Variants in ROBO3 observed in about 807,000 individuals in gnomAD.
The protein encoded by ROBO3 is roundabout homolog 3.
ROBO3 carries 97 observed loss-of-function variants against 160.5 expected under a neutral mutation model. The ratio of observed to expected loss-of-function variants is 0.60; its 90% CI spans 0.51 to 0.72. The LOEUF (loss-of-function observed/expected upper bound fraction) is 0.72, where lower values mean the gene tolerates loss of function less well. ROBO3 is among the 30% of genes least tolerant of loss of function. ROBO3 has a pLI of 0.00. For synonymous variants in ROBO3, 780 were observed against 746.2 expected (o/e 1.05, Z -0.74); for missense variants, 1,858 against 1,846.5 (o/e 1.01, Z -0.11).
Position 124,869,828 on chromosome 11 carries a change from T to C in ROBO3, c.646-120T>C. The C allele has an allele frequency of 7.0e-7, 1 of 1,421,192 alleles. No individual in the cohort carries two copies. Among genetic ancestry groups the C allele is most frequent in the South Asian group, 1.3e-5 (1 of 77,888 alleles). 88.0% of individuals were successfully genotyped at this position (1,421,192 alleles called of 1,614,324 possible). ...TGTGGGTCAACTTCCTTGGTCTCCT[T>C]TATCAGCTTGCTGTGAGGATCAAAT... On this transcript the variant is annotated intron_variant, in intron 3 of 27. Transcript: ENST00000397801. The surrounding 1 kb of genome is among the most constrained non-coding windows in gnomAD (Gnocchi z 4.2).
rs121918274 is a variant in ROBO3 at position 124,870,650 on chromosome 11, G to C, written c.955G>C (p.Glu319Gln). The change falls in exon 6 of 28, where the codon GAA (glutamate) becomes CAA (glutamine). Residue 319 changes from glutamate to glutamine, a missense_variant. Coordinates refer to ENST00000397801, the MANE Select transcript of ROBO3 (RefSeq NM_022370.4). ...HSLWIGHVSA[E>Q]DEGTYTCVAE... Reference sequence around the variant, plus strand: ...CCTTTGGATTGGGCATGTGAGTGCCGAAGATGAGGGAACGTACACCTGTGT... The same window carrying C: ...CCTTTGGATTGGGCATGTGAGTGCCCAAGATGAGGGAACGTACACCTGTGT... 6.2e-7 allele frequency: 1 copy of C among 1,613,224 alleles called. No individual in the cohort carries two copies. The highest frequency in any genetic ancestry group is 8.5e-7 in the Non-Finnish European group (1 of 1,179,704).
Position 124,875,549 on chromosome 11 carries a change from T to G in ROBO3, c.2300-15T>G, listed in dbSNP as rs1294530301. 6.2e-7 allele frequency: 1 copy of G among 1,610,830 alleles called. No individual in the cohort carries two copies. The highest frequency in any genetic ancestry group is 8.5e-7 in the Non-Finnish European group (1 of 1,178,852). On this transcript the variant is annotated splice_polypyrimidine_tract_variant and intron_variant, in intron 14 of 27. Transcript: ENST00000397801. Reference sequence around the variant, plus strand: ...ACTATTTGTGTCCTTCTCACCATGCTCCACCCTGGCCCAGCCCCCAGTGGC... The same window carrying G: ...ACTATTTGTGTCCTTCTCACCATGCGCCACCCTGGCCCAGCCCCCAGTGGC...
rs998893479 is a variant in ROBO3 at position 124,880,528 on chromosome 11, G to C, written c.4069G>C (p.Gly1357Arg). 1 of 1,570,050 alleles carries C rather than the reference G, an allele frequency of 6.4e-7. No homozygotes were observed. Among genetic ancestry groups the C allele is most frequent in the South Asian group, 1.2e-5 (1 of 85,932 alleles). ...NSSRGSSSSR[G>R]SRGPGRSRSR... ...TTCCAGGGGCTCCAGCAGCTCTAGGGGCTCCCGGGGCCCTGGCCGGAGCCG... is the reference window on the plus strand; with the variant it reads ...TTCCAGGGGCTCCAGCAGCTCTAGGCGCTCCCGGGGCCCTGGCCGGAGCCG... The change falls in exon 27 of 28, where the codon GGC becomes CGC. Residue 1357 changes from glycine (G) to arginine (R), a missense_variant. By Grantham distance (125) the Gly-to-Arg change is moderately radical. Coordinates refer to ENST00000397801, the MANE Select transcript of ROBO3 (RefSeq NM_022370.4).
At position 124,876,459 on chromosome 11, in the gene ROBO3, G is replaced by A. The variant is rs1407832224; in HGVS notation, c.2778G>A (p.Thr926=). The stretch of plus-strand genomic sequence containing the variant: ...AGCGCAAAGAGCTCAGCCACTACAC[G>A]GGTGAGCTCCCGGCCTCGGAGCGGA... ...RKQRKELSHY[T]ASFAYTPAVS... Residue 926 remains threonine, a splice_region_variant and synonymous_variant, in exon 17 of 28, where the codon ACG becomes ACA. Transcript: ENST00000397801. The surrounding 1 kb of genome is among the most constrained non-coding windows in gnomAD (Gnocchi z 5.3). 3 of 1,403,610 alleles carry A rather than the reference G, an allele frequency of 2.1e-6. No homozygotes were observed. Among genetic ancestry groups the A allele is most frequent in the Non-Finnish European group, 2.8e-6 (3 of 1,083,176 alleles). The allele number at this position is 1,403,610 out of a possible 1,614,324, so 86.9% of individuals were successfully genotyped here.
Position 124,869,534 on chromosome 11 carries a change from G to A in ROBO3, c.572G>A (p.Arg191His). The A allele has an allele frequency of 2.0e-6, 3 of 1,491,084 alleles. No homozygotes were observed. Among genetic ancestry groups the A allele is most frequent in the Non-Finnish European group, 1.8e-6 (2 of 1,105,988 alleles). The allele number at this position is 1,491,084 out of a possible 1,614,324, so 92.4% of individuals were successfully genotyped here. A position where few individuals can be genotyped will look rare whatever the true frequency, so the allele number is the denominator to read the frequency against. ...GCAGTACTGGAATGCGTGCCCCCCC[G>A]CGGCCACCCGGAGCCTTCCGTGTCC... ...EPAVLECVPPRGHPEPSVSWR... is the reference protein window; with the variant it reads ...EPAVLECVPPHGHPEPSVSWR... Residue 191 changes from arginine to histidine, a missense_variant, in exon 3 of 28, where the codon CGC becomes CAC. Physicochemically the swap from Arg to His is conservative, Grantham distance 29. Coordinates refer to ENST00000397801, the MANE Select transcript of ROBO3 (RefSeq NM_022370.4). This position sits in a 1 kb window ranked among gnomAD's most constrained non-coding sequence, Gnocchi z 4.2.
Position 124,879,788 on chromosome 11 carries a change from C to T in ROBO3, c.3798C>T (p.Asp1266=). 2.5e-6 allele frequency: 4 copies of T among 1,613,708 alleles called. No individual in the cohort carries two copies. Among genetic ancestry groups the T allele is most frequent in the Non-Finnish European group, 2.5e-6 (3 of 1,179,798 alleles). ...CGCTGAAAACAGCTCCCTCCCCAGA[C>T]TTGCCCCCACCACCCTTGCCACCGC... The part of the protein sequence containing the change: ...LPYRRENSPG[D]LPPPPLPPPE... The change falls in exon 26 of 28, where the codon GAC becomes GAT. Residue 1266 remains aspartate (D), a splice_region_variant and synonymous_variant. Coordinates refer to ENST00000397801, the MANE Select transcript of ROBO3 (RefSeq NM_022370.4).
Position 124,877,118 on chromosome 11 carries a change from C to T in ROBO3, c.2780-43C>T, listed in dbSNP as rs779711989. 5.0e-6 allele frequency: 8 copies of T among 1,611,178 alleles called. No homozygotes were observed. In the East Asian group the frequency reaches 1.8e-4, roughly 36 times the overall value. ...TATAGGGGTATTTCTGACCCTTCTC[C>T]TCATTTCACCTCTTCTTTCTCCCAC... is the stretch of plus-strand genomic sequence containing the variant. On this transcript the variant is annotated intron_variant, in intron 17 of 27. Transcript: ENST00000397801.
rs1946265895 is a variant in ROBO3, at chr11:124,870,432, C to A, written c.905+129C>A. ...AAGTCTGTTCCCTAGAGCCTGTGGCCCCAGTCCTATCCAGTCCCCACCTCC... is the reference window on the plus strand; with the variant it reads ...AAGTCTGTTCCCTAGAGCCTGTGGCACCAGTCCTATCCAGTCCCCACCTCC... On this transcript the variant is annotated intron_variant, in intron 5 of 27. Transcript: ENST00000397801. 3 of 1,467,592 alleles carry A rather than the reference C, an allele frequency of 2.0e-6. No individual in the cohort carries two copies. The South Asian group carries it at 3.9e-5, about 19-fold the overall frequency. 90.9% of individuals were successfully genotyped at this position (1,467,592 alleles called of 1,614,324 possible). A position where few individuals can be genotyped will look rare whatever the true frequency, so the allele number is the denominator to read the frequency against.
chr11:124,873,638 G>A lies in ROBO3; in HGVS notation c.1619-59G>A. 6 of 1,490,578 alleles carry A rather than the reference G, an allele frequency of 4.0e-6. No individual in the cohort carries two copies. Among genetic ancestry groups the A allele is most frequent in the Non-Finnish European group, 5.5e-6 (6 of 1,098,564 alleles). 92.3% of individuals were successfully genotyped at this position (1,490,578 alleles called of 1,614,324 possible). On this transcript the variant is annotated intron_variant, in intron 10 of 27. Transcript: ENST00000397801. This position sits in a 1 kb window ranked among gnomAD's most constrained non-coding sequence, Gnocchi z 4.5. ...CCATAGCTCCCCTGGTAAGGAGACA[G>A]GTTACACTAGGATTATCCTTTCCCT...
chr11:124,873,621 C>T lies in ROBO3; in HGVS notation c.1619-76C>T, dbSNP rs1946308132. 2.1e-6 allele frequency: 3 copies of T among 1,396,982 alleles called. No homozygotes were observed. The highest frequency in any genetic ancestry group is 2.3e-5 in the East Asian group (1 of 42,906). 86.5% of individuals were successfully genotyped at this position (1,396,982 alleles called of 1,614,324 possible). ...CACCGCAGCTCAGAGCTCCATAGCT[C>T]CCCTGGTAAGGAGACAGGTTACACT... On this transcript the variant is annotated intron_variant, in intron 10 of 27. Coordinates refer to ENST00000397801, the MANE Select transcript of ROBO3 (RefSeq NM_022370.4). The surrounding 1 kb of genome is among the most constrained non-coding windows in gnomAD (Gnocchi z 4.5).
In ROBO3 at chr11:124,867,740, G is replaced by A. The variant is rs1946219174; in HGVS notation, c.161-1062G>A. On this transcript the variant is annotated intron_variant, in intron 1 of 27. Coordinates refer to ENST00000397801, the MANE Select transcript of ROBO3 (RefSeq NM_022370.4). ...TGAAACCCAATCTCACAGGCGGGCT[G>A]GAAGCGGGAGGTTCCTGCAGATTTT... Among the ~76,000 whole-genome samples the A allele has an allele frequency of 2.0e-5, 3 of 151,412 alleles. No individual in the cohort carries two copies. In the South Asian group the frequency reaches 6.3e-4, roughly 32 times the overall value.
At chr11:124,879,608 G>T (rs77492220) in intron 25 of ROBO3, 33 bp downstream of exon 25, 3 of 1,575,996 alleles carry the variant, frequency 1.9e-6, no homozygotes, top group Non-Finnish European at 2.6e-6. Context: ...GATGGTGACA[G>T]TAGTGGCGGG....
At chr11:124,877,358 C>G in intron 19 of ROBO3, 49 bp downstream of exon 19, 1 of 1,609,844 alleles carries the variant, frequency 6.2e-7, no homozygotes, top group Non-Finnish European at 8.5e-7. Flanking sequence ...CGACAGGCCA[C>G]TCTTCTTCCG....
Position 124,873,527 on chromosome 11 carries a change from G to A in ROBO3, c.1618+136G>A, listed in dbSNP as rs1946306647. ...ATGGTTACGGTGGTGAGGATGAGAA[G>A]GACAGTAGTGGTACCCATGGGAGGC... On this transcript the variant is annotated intron_variant, in intron 10 of 27. Transcript: ENST00000397801. The surrounding 1 kb of genome is among the most constrained non-coding windows in gnomAD (Gnocchi z 4.5). 3.9e-6 allele frequency: 4 copies of A among 1,016,070 alleles called. No homozygotes were observed. The highest frequency in any genetic ancestry group is 2.1e-5 in the Admixed American group (1 of 48,316). 62.9% of individuals were successfully genotyped at this position (1,016,070 alleles called of 1,614,324 possible).
Position 124,870,252 on chromosome 11 carries a change from C to T in ROBO3, c.854C>T (p.Pro285Leu). 6.2e-7 allele frequency: 1 copy of T among 1,613,984 alleles called. No homozygotes were observed. The highest frequency in any genetic ancestry group is 8.5e-7 in the Non-Finnish European group (1 of 1,179,890). ...VTFLCEVKGD[P>L]PPRLRWRKED... ...TTCCTATGTGAGGTGAAGGGGGATC[C>T]CCCACCTCGTCTACGCTGGCGCAAG... is the stretch of plus-strand genomic sequence containing the variant. Residue 285 changes from proline (P) to leucine (L), a missense_variant, in exon 5 of 28, where the codon CCC becomes CTC. Transcript: ENST00000397801.
Position 124,873,598 on chromosome 11 carries a change from C to T in ROBO3, c.1619-99C>T. 2.5e-6 allele frequency: 3 copies of T among 1,188,798 alleles called. No individual in the cohort carries two copies. The highest frequency in any genetic ancestry group is 3.5e-6 in the Non-Finnish European group (3 of 846,838). The allele number at this position is 1,188,798 out of a possible 1,614,324, so 73.6% of individuals were successfully genotyped here. A position where few individuals can be genotyped will look rare whatever the true frequency, so the allele number is the denominator to read the frequency against. The stretch of plus-strand genomic sequence containing the variant: ...ATACTATAGCCCACTCTGACCATCA[C>T]CGCAGCTCAGAGCTCCATAGCTCCC... On this transcript the variant is annotated intron_variant, in intron 10 of 27. Transcript: ENST00000397801. This position sits in a 1 kb window ranked among gnomAD's most constrained non-coding sequence, Gnocchi z 4.5.
chr11:124,874,328 C>T, intron 12 of ROBO3, 92 bp downstream of exon 12: 1 of 1,185,448 alleles, frequency 8.4e-7, no homozygotes, highest in African/African-American at 1.5e-5. Flanking sequence ...GCAGTTCATA[C>T]AGTTCTTTCC....
At position 124,869,942 on chromosome 11, in the gene ROBO3, C is replaced by T. The variant is rs2135326034; in HGVS notation, c.646-6C>T. 5 of 1,594,204 alleles carry T rather than the reference C, an allele frequency of 3.1e-6. No individual in the cohort carries two copies. The highest frequency in any genetic ancestry group is 4.6e-5 in the East Asian group (2 of 43,842). On this transcript the variant is annotated splice_polypyrimidine_tract_variant and splice_region_variant and intron_variant, in intron 3 of 27. Transcript: ENST00000397801. The surrounding 1 kb of genome is among the most constrained non-coding windows in gnomAD (Gnocchi z 4.2). ...ATGGACCAAAGTTACCATTATTGCT[C>T]TGCAGATCCGTGGAGGGAAGCTGAT...
At position 124,878,480 on chromosome 11, in the gene ROBO3, A is replaced by G. The variant is rs748134521; in HGVS notation, c.3320+44A>G. 6.2e-7 allele frequency: 1 copy of G among 1,605,972 alleles called. No homozygotes were observed. Among genetic ancestry groups the G allele is most frequent in the Non-Finnish European group, 8.5e-7 (1 of 1,174,978 alleles). On this transcript the variant is annotated intron_variant, in intron 22 of 27. Transcript: ENST00000397801. This position sits in a 1 kb window ranked among gnomAD's most constrained non-coding sequence, Gnocchi z 4.3. ...TCCAGGCCCACACACCTGCGGCCAG[A>G]CCATGGGCTGCTGGGGAGGAAGGGG...
Sources: gnomAD v4.1 joint callset for allele counts (sites outside exome capture counted in the v4.1 genomes callset) on GRCh38, gnomAD v4.1.1 for gene constraint, Gnocchi (gnomAD v3.1) non-coding constraint, MANE v1.5 for transcripts, NCBI Gene and HGNC (gene_info 2026-07-23, HGNC 2026-07-21) for gene names.